The following ABCA4 variants were observed in gnomAD, a reference collection of about 807,000 sequenced individuals.
ABCA4 encodes the protein ATP binding cassette subfamily A member 4.
A neutral mutation model predicts 263.7 loss-of-function variants in ABCA4; 196 were observed. That is an observed-to-expected ratio of 0.74 (90% confidence interval 0.66 to 0.84). ABCA4 has a LOEUF of 0.84. Among genes scored for constraint, ABCA4 ranks in the 40% least tolerant of loss-of-function variants. The probability of loss-of-function intolerance (pLI) is 0.00; values close to 1 mark genes in which losing one functional copy is unlikely to be tolerated. For synonymous variants in ABCA4, 1,133 were observed against 1,094.2 expected, an observed-to-expected ratio of 1.04 and a Z score of -0.70; for missense variants, 2,792 against 2,855.1, an observed-to-expected ratio of 0.98 and a Z score of 0.50.
chr1:94,106,880 C>T (rs1037519838), intron 4 of ABCA4, among the ~76,000 whole-genome samples: 10 of 152,222 alleles, frequency 6.6e-5, no homozygotes, highest in Admixed American at 2.0e-4. Context: ...GCCCCACACG[C>T]GCTGTGGTCA....
Position 94,021,329 on chromosome 1 carries a change from C to G in ABCA4, c.4929G>C (p.Leu1643=), listed in dbSNP as rs199775401. The part of the protein sequence containing the change: ...VAHNAILRAS[L]PKDRSPEEYG... ...ACTCCTCGGGGCTCCTGTCCTTAGG[C>G]AGGCTGGCCCGTAAGATGGCGTTGT... is the stretch of plus-strand genomic sequence containing the variant. Residue 1643 remains leucine, a synonymous_variant, in exon 35 of 50, where the codon CTG becomes CTC. Coordinates refer to ENST00000370225, the MANE Select transcript of ABCA4 (RefSeq NM_000350.3). 7 of 1,614,182 alleles carry G rather than the reference C, an allele frequency of 4.3e-6. No individual in the cohort carries two copies. The East Asian group carries it at 1.3e-4, about 31-fold the overall frequency.
chr1:94,083,178 C>T (rs1661744691), intron 7 of ABCA4, among the ~76,000 whole-genome samples, 174 bp downstream of exon 7: 1 of 152,182 alleles, frequency 6.6e-6, no homozygotes, highest in South Asian at 2.1e-4. Flanking sequence ...CTGCCTCTTA[C>T]TTAAGAGCAC....
At position 94,010,883 on chromosome 1, in the gene ABCA4, C is replaced by A. The variant is rs1439852249; in HGVS notation, c.5631G>T (p.Lys1877Asn). ...ANPFHWDLIG[K>N]NLFAMVVEGV... is the part of the protein sequence containing the mutation. Reference sequence around the variant, plus strand: ...CTTCCACCACCATGGCAAACAGGTTCTTCCCAATCAGGTCCCAGTGGAACG... The same window carrying A: ...CTTCCACCACCATGGCAAACAGGTTATTCCCAATCAGGTCCCAGTGGAACG... Residue 1877 changes from lysine to asparagine, a missense_variant, in exon 40 of 50, where the codon AAG becomes AAT. Physicochemically the swap from Lys to Asn is moderately conservative, Grantham distance 94 (BLOSUM62 0). Coordinates refer to ENST00000370225, the MANE Select transcript of ABCA4 (RefSeq NM_000350.3). 1 of 1,614,160 alleles carries A rather than the reference C, an allele frequency of 6.2e-7. No individual in the cohort carries two copies.
chr1:94,086,855 A>G (rs1290775889), intron 6 of ABCA4, among the ~76,000 whole-genome samples: 3 of 152,172 alleles, frequency 2.0e-5, no homozygotes, highest in African/African-American at 7.2e-5. Flanking sequence ...GTTCCCTCCA[A>G]GAATACGAGA....
At chr1:94,064,120 G>A (rs1661204547) in intron 11 of ABCA4, among the ~76,000 whole-genome samples, 1 of 152,150 alleles carries the variant, frequency 6.6e-6, no homozygotes, top group South Asian at 2.1e-4. Context: ...TTCTTTCTTA[G>A]CATGTAACTC....
At chr1:94,086,968 G>A (rs776623637) in intron 6 of ABCA4, among the ~76,000 whole-genome samples, 2 of 152,188 alleles carry the variant, frequency 1.3e-5, no homozygotes, top group Non-Finnish European at 2.9e-5. Flanking sequence ...GGAAGTCTAA[G>A]ATCAAGGCTC....
Position 94,014,546 on chromosome 1 carries a change from G to A in ABCA4, c.5457C>T (p.Asn1819=), listed in dbSNP as rs1181315221. The change falls in exon 38 of 50, where the codon AAC becomes AAT. Residue 1819 remains asparagine, a synonymous_variant. Coordinates refer to ENST00000370225, the MANE Select transcript of ABCA4 (RefSeq NM_000350.3). The part of the protein sequence containing the change: ...ITFILELFEN[N]RTLLRFNAVL... ...AAGCCAAGAAAGTTATGCTCACCCG[G>A]TTATTCTCAAATAATTCCAAGATGA... The A allele has an allele frequency of 1.2e-6, 2 of 1,614,050 alleles. No individual in the cohort carries two copies. Among genetic ancestry groups the A allele is most frequent in the East Asian group, 2.2e-5 (1 of 44,900 alleles).
chr1:94,115,582 T>G (rs146034181), intron 1 of ABCA4, among the ~76,000 whole-genome samples: 2 of 152,306 alleles, frequency 1.3e-5, no homozygotes, highest in East Asian at 3.9e-4. Context: ...CACTCAACTC[T>G]TCCGTGCCAA....
chr1:94,001,552 C>G, intron 45 of ABCA4: 1 of 585,550 alleles, frequency 1.7e-6, no homozygotes, highest in East Asian at 3.9e-5. Flanking sequence ...TGTATGGGGA[C>G]CAGACACCGA....
At chr1:94,101,407 C>T (rs938065383) in intron 5 of ABCA4, among the ~76,000 whole-genome samples, 2 of 152,214 alleles carry the variant, frequency 1.3e-5, no homozygotes, top group Admixed American at 6.5e-5. Flanking sequence ...GCACTGCAGG[C>T]GCCAAGCTCA....
intron 7 of ABCA4, among the ~76,000 whole-genome samples, chr1:94,081,117 C>T (rs754008617): frequency 9.9e-5 from 15 of 152,150 alleles, no homozygotes; most frequent in African/African-American, 3.1e-4. Flanking sequence ...CCCAGCTATT[C>T]GGGAGGCTGA....
At chr1:94,110,176 C>T (rs1385034819) in intron 3 of ABCA4, among the ~76,000 whole-genome samples, 1 of 152,212 alleles carries the variant, frequency 6.6e-6, no homozygotes, top group East Asian at 1.9e-4. Flanking sequence ...TGCTAAATGC[C>T]ACTTCCTTGA....
Position 94,108,704 on chromosome 1 carries a change from T to G in ABCA4, c.315A>C (p.Val105=). 1 of 1,614,004 alleles carries G rather than the reference T, an allele frequency of 6.2e-7. No homozygotes were observed. The highest frequency in any genetic ancestry group is 1.1e-5 in the South Asian group (1 of 91,064). The change falls in exon 4 of 50, where the codon GTA becomes GTC. Residue 105 remains valine, a synonymous_variant. Transcript: ENST00000370225. ...TGAGGAGTTCTTGAAAATCTCGATA[T>G]ACCCTTGCCAAGCTGTAAGGACAAA... ...SNYNNSILAR[V]YRDFQELLMN...
At chr1:94,013,700 G>T (rs901246608) in intron 38 of ABCA4, among the ~76,000 whole-genome samples, 1 of 152,208 alleles carries the variant, frequency 6.6e-6, no homozygotes, top group Non-Finnish European at 1.5e-5. Flanking sequence ...CTGGACAGGG[G>T]GAGGTCAGGT....
chr1:94,048,065 G>A (rs182950122), intron 18 of ABCA4, among the ~76,000 whole-genome samples: 13 of 152,328 alleles, frequency 8.5e-5, no homozygotes, highest in African/African-American at 2.6e-4. Context: ...GGAGGATCTT[G>A]CCAGAGGCAT....
At chr1:94,062,844 T>C (rs1661169327) in intron 12 of ABCA4, 91 bp from the exon 13 acceptor site, 2 of 1,389,048 alleles carry the variant, frequency 1.4e-6, no homozygotes, top group Non-Finnish European at 2.0e-6. Context: ...ACTCATTCTC[T>C]TAAAATCTTT....
chr1:94,112,822 T>C (rs1662646630), intron 2 of ABCA4, 151 bp downstream of exon 2: 1 of 709,184 alleles, frequency 1.4e-6, no homozygotes. Flanking sequence ...TTATAATTTG[T>C]GTAACATTGA....
chr1:94,010,407 C>CT (rs1326730114), intron 40 of ABCA4, among the ~76,000 whole-genome samples: 2 of 152,198 alleles, frequency 1.3e-5, no homozygotes, highest in African/African-American at 2.4e-5. Flanking sequence ...TCCCAAATCT[C>CT]TAATTAGCAA....
chr1:94,068,841 G>A (rs1661338597), intron 11 of ABCA4, among the ~76,000 whole-genome samples: 1 of 152,206 alleles, frequency 6.6e-6, no homozygotes, highest in Non-Finnish European at 1.5e-5. Context: ...AGTGTCTTAA[G>A]GCCTCAGAGG....
Sources: gnomAD v4.1 joint callset for allele counts (sites outside exome capture counted in the v4.1 genomes callset) on GRCh38, gnomAD v4.1.1 for gene constraint, MANE v1.5 for transcripts, NCBI Gene and HGNC (gene_info 2026-07-23, HGNC 2026-07-21) for gene names.